The following BBS1 variants were observed in gnomAD, a reference collection of about 807,000 sequenced individuals.
BBS1 encodes BBSome complex member BBS1.
Under a neutral mutation model 73.9 loss-of-function variants are expected in BBS1, and 60 were observed. The observed-to-expected ratio is 0.81, with a 90% CI of 0.66 to 1.01. The LOEUF (loss-of-function observed/expected upper bound fraction) is 1.01, where lower values mean the gene tolerates loss of function less well. Among genes scored for constraint, BBS1 ranks in the 50% least tolerant of loss-of-function variants. The pLI, the probability that BBS1 is intolerant of heterozygous loss-of-function variation, is 0.00. For missense variants in BBS1, 718 were observed against 770.3 expected, an observed-to-expected ratio of 0.93 and a Z score of 0.80; for synonymous variants, 283 against 317.4, an observed-to-expected ratio of 0.89 and a Z score of 1.15.
Position 66,515,548 on chromosome 11 carries a change from C to T in BBS1, c.441C>T (p.Ile147=), listed in dbSNP as rs544997496. Reference sequence around the variant, plus strand: ...TTCCCACATTGTCACAGGACCGAATCGACCCCTTAACCCTGAAGGAGATGC... The same window carrying T: ...TTCCCACATTGTCACAGGACCGAATTGACCCCTTAACCCTGAAGGAGATGC... ...DLWNQAKEDR[I]DPLTLKEMLE... The change falls in exon 5 of 17, where the codon ATC becomes ATT. Residue 147 remains isoleucine (I), a synonymous_variant. Transcript: ENST00000318312. 2.9e-5 allele frequency: 47 copies of T among 1,614,120 alleles called. No individual in the cohort carries two copies. The South Asian group carries it at 4.4e-4, about 15-fold the overall frequency.
Position 66,521,360 on chromosome 11 carries a change from A to G in BBS1, c.814A>G (p.Ile272Val), listed in dbSNP as rs1306405304. 1.9e-6 allele frequency: 3 copies of G among 1,614,152 alleles called. No individual in the cohort carries two copies. The highest frequency in any genetic ancestry group is 4.5e-5 in the East Asian group (2 of 44,880). Reference sequence around the variant, plus strand: ...TGCCGCGGCCTGCCGCAATGGAAACATCTATATTCTGAGAAGGTAGCCACA... The same window carrying G: ...TGCCGCGGCCTGCCGCAATGGAAACGTCTATATTCTGAGAAGGTAGCCACA... ...RLAAACRNGN[I>V]YILRRDSKHP... The change falls in exon 9 of 17, where the codon ATC (isoleucine) becomes GTC (valine). Residue 272 changes from isoleucine (I) to valine (V), a missense_variant. Coordinates refer to ENST00000318312, the MANE Select transcript of BBS1 (RefSeq NM_024649.5).
At chr11:66,527,156 T>A in intron 13 of BBS1, 1 of 722,968 alleles carries the variant, frequency 1.4e-6, no homozygotes, top group Non-Finnish European at 2.3e-6. Flanking sequence ...GAGGACAGCA[T>A]GAGCCCAGGA....
intron 14 of BBS1, among the ~76,000 whole-genome samples, chr11:66,530,353 G>C (rs1255392633): frequency 6.6e-6 from 1 of 151,714 alleles, no homozygotes; most frequent in Admixed American, 6.6e-5. Flanking sequence ...GGGCCATCCC[G>C]GCCTCACCCG....
chr11:66,526,857 C>T, intron 13 of BBS1, 50 bp downstream of exon 13: 3 of 1,614,128 alleles, frequency 1.9e-6, no homozygotes, highest in Non-Finnish European at 2.5e-6. Context: ...ACTGCTCCTA[C>T]ACAGCAAAGC....
chr11:66,527,362 C>A (rs990657424), intron 13 of BBS1, among the ~76,000 whole-genome samples: 5 of 151,842 alleles, frequency 3.3e-5, no homozygotes, highest in Non-Finnish European at 5.9e-5. Flanking sequence ...GTGCCAGGTG[C>A]CTTTAATTAG....
At chr11:66,522,434 G>C (rs1856284550) in intron 9 of BBS1, among the ~76,000 whole-genome samples, 2 of 150,376 alleles carry the variant, frequency 1.3e-5, no homozygotes. Flanking sequence ...TGCAACCTCT[G>C]CCTCCTGGGT....
In BBS1 at chr11:66,523,535, G is replaced by T. The variant is rs1228755309; in HGVS notation, c.910G>T (p.Val304Leu). ...GLIRVHKVLVVGSTQDSLHGF... is the reference protein window; with the variant it reads ...GLIRVHKVLVLGSTQDSLHGF... The stretch of plus-strand genomic sequence containing the variant: ...TATCCGGGTACACAAGGTCCTAGTG[G>T]TGGGCAGCACCCAAGACAGCCTGCA... The change falls in exon 10 of 17, where the codon GTG (valine) becomes TTG (leucine). Residue 304 changes from valine (V) to leucine (L), a missense_variant. By Grantham distance (32) the Val-to-Leu change is conservative (BLOSUM62 1). Transcript: ENST00000318312. 6 of 1,614,144 alleles carry T rather than the reference G, an allele frequency of 3.7e-6. No homozygotes were observed. The highest frequency in any genetic ancestry group is 1.7e-5 in the Admixed American group (1 of 60,014).
At chr11:66,521,588 G>C (rs1424312557) in intron 9 of BBS1, 10 of 596,266 alleles carry the variant, frequency 1.7e-5, no homozygotes, top group Non-Finnish European at 1.8e-5. Flanking sequence ...TAGGCTGGGT[G>C]GCTATAGTAC....
intron 7 of BBS1, among the ~76,000 whole-genome samples, chr11:66,516,654 G>A (rs955651828): frequency 1.3e-5 from 2 of 152,078 alleles, no homozygotes; most frequent in Admixed American, 6.6e-5. Context: ...GGATTCAAGT[G>A]ATCCTCCCCC....
chr11:66,529,359 T>A, intron 13 of BBS1: 1 of 1,506,208 alleles, frequency 6.6e-7, no homozygotes, highest in South Asian at 1.2e-5. Context: ...TGATGGGACC[T>A]CCCTGTGGAG....
intron 7 of BBS1, among the ~76,000 whole-genome samples, chr11:66,518,757 C>CTTT (rs58220840): frequency 1.1e-4 from 14 of 131,616 alleles, no homozygotes; most frequent in East Asian, 4.4e-4. Flanking sequence ...CAGCCCTTTT[C>CTTT]TTTTTTTTTT....
intron 9 of BBS1, among the ~76,000 whole-genome samples, chr11:66,522,488 C>T (rs746754801): frequency 4.0e-5 from 6 of 151,782 alleles, no homozygotes; most frequent in Non-Finnish European, 5.9e-5. Context: ...GCTGGGACTA[C>T]AGGTGCGTGC....
At chr11:66,526,517 G>C in intron 12 of BBS1, 132 bp from the exon 13 acceptor site, 1 of 1,157,928 alleles carries the variant, frequency 8.6e-7, no homozygotes, top group Non-Finnish European at 1.3e-6. Flanking sequence ...GTTACTTCCA[G>C]AAACAGTCTC....
chr11:66,524,863 T>C (rs1030676845), intron 11 of BBS1, among the ~76,000 whole-genome samples: 1 of 151,904 alleles, frequency 6.6e-6, no homozygotes, highest in East Asian at 1.9e-4. Flanking sequence ...TGGAACAGCC[T>C]GGCCAACATG....
At chr11:66,523,188 C>T (rs1287419241) in intron 9 of BBS1, 1 of 593,134 alleles carries the variant, frequency 1.7e-6, no homozygotes, top group Non-Finnish European at 3.2e-6. Flanking sequence ...ATACAAGCCA[C>T]CATAGTGAAG....
chr11:66,531,890 C>T (rs1188745371), intron 16 of BBS1, 61 bp from the exon 17 acceptor site: 23 of 1,576,950 alleles, frequency 1.5e-5, no homozygotes, highest in Middle Eastern at 3.3e-4. Context: ...TTAGGGCCAG[C>T]GCAGACCAGG....
In BBS1 at chr11:66,523,782, A is replaced by G. The variant is rs1456248335; in HGVS notation, c.1010A>G (p.Glu337Gly). 2 of 1,613,410 alleles carry G rather than the reference A, an allele frequency of 1.2e-6. No individual in the cohort carries two copies. The highest frequency in any genetic ancestry group is 1.1e-5 in the South Asian group (1 of 91,084). ...GCCATCCTGACCATGAACCTCCTGG[A>G]GCAGCATTCCCGGGGCCTGCAGGCC... ...PAAILTMNLL[E>G]QHSRGLQAVM... The change falls in exon 11 of 17, where the codon GAG (glutamate) becomes GGG (glycine). Residue 337 changes from glutamate to glycine, a missense_variant. Coordinates refer to ENST00000318312, the MANE Select transcript of BBS1 (RefSeq NM_024649.5).
At chr11:66,519,296 G>T (rs767064586) in intron 7 of BBS1, among the ~76,000 whole-genome samples, 1 of 152,102 alleles carries the variant, frequency 6.6e-6, no homozygotes, top group African/African-American at 2.4e-5. Context: ...GCTTGAACCT[G>T]CGAGGCAGAG....
At chr11:66,512,020 GTGTATATATATGTATATATA>G (rs1329157159) in intron 3 of BBS1, among the ~76,000 whole-genome samples, 5 of 143,284 alleles carry the variant, frequency 3.5e-5, no homozygotes, top group Admixed American at 2.1e-4. Context: ...ATATATATAT[GTGTATATATATGTATATATA>G]TGTATATATA....
Sources: allele counts gnomAD v4.1 joint callset (sites outside exome capture counted in the v4.1 genomes callset), GRCh38; gene constraint gnomAD v4.1.1; transcripts MANE v1.5; gene names NCBI Gene and HGNC (gene_info 2026-07-23, HGNC 2026-07-21).